COL4A2: variants seen among roughly 807,000 people sequenced by gnomAD.
COL4A2 encodes collagen alpha-2(IV) chain.
Under a neutral mutation model 200.2 loss-of-function variants are expected in COL4A2, and 99 were observed. That is an observed-to-expected ratio of 0.49 (90% CI 0.42 to 0.58). COL4A2 has a LOEUF of 0.58. COL4A2 is among the 20% of genes least tolerant of loss of function. COL4A2 has a pLI of 0.00. For synonymous variants in COL4A2, 897 were observed against 900.6 expected, an observed-to-expected ratio of 1.00 and a Z score of 0.07; for missense variants, 1,950 against 2,314.1, an observed-to-expected ratio of 0.84 and a Z score of 3.23.
chr13:110,375,009 T>C (rs1467997551), intron 4 of COL4A2, among the ~76,000 whole-genome samples: 1 of 152,194 alleles, frequency 6.6e-6, no homozygotes, highest in African/African-American at 2.4e-5. Flanking sequence ...GCCCTTTCTT[T>C]ACTGGGGCCC....
At chr13:110,332,857 A>G (rs149039649) in intron 3 of COL4A2, among the ~76,000 whole-genome samples, 2 of 152,354 alleles carry the variant, frequency 1.3e-5, no homozygotes, top group African/African-American at 2.4e-5. Context: ...GCAATGGTGA[A>G]GCTCACTGCT....
At chr13:110,359,762 A>G (rs1476157091) in intron 4 of COL4A2, among the ~76,000 whole-genome samples, 1 of 152,106 alleles carries the variant, frequency 6.6e-6, no homozygotes, top group Non-Finnish European at 1.5e-5. Context: ...ACCTCTTTAT[A>G]AATACTGTCT....
intron 4 of COL4A2, among the ~76,000 whole-genome samples, chr13:110,363,101 A>G (rs901766213): frequency 5.3e-5 from 8 of 152,146 alleles, no homozygotes; most frequent in Non-Finnish European, 8.8e-5. Flanking sequence ...AGATGGTCAA[A>G]TGGCCCTGTC....
chr13:110,462,411 C>G, intron 24 of COL4A2, 27 bp downstream of exon 24: 3 of 1,607,754 alleles, frequency 1.9e-6, no homozygotes, highest in Non-Finnish European at 2.5e-6. Context: ...TGCGGCAGCT[C>G]CGTCCTCTCT....
rs553556379 is a variant in COL4A2, at chr13:110,437,163, G to C, written c.825+796G>C. Among the ~76,000 whole-genome samples, 4 of 152,338 alleles carry C rather than the reference G, an allele frequency of 2.6e-5. No homozygotes were observed. In the East Asian group the frequency reaches 7.7e-4, roughly 29 times the overall value. ...CCTGTGTCCTGGGTCCTGCATCCTG[G>C]GGCGGATTTGGCAGGCAGGACCACT... On this transcript the variant is annotated intron_variant, in intron 13 of 47. Coordinates refer to ENST00000360467, the MANE Select transcript of COL4A2 (RefSeq NM_001846.4).
intron 29 of COL4A2, among the ~76,000 whole-genome samples, chr13:110,475,557 A>G (rs1030611978): frequency 3.7e-4 from 56 of 152,230 alleles, no homozygotes; most frequent in Non-Finnish European, 3.2e-4. Flanking sequence ...GGTCTTTACC[A>G]TGATCAATGT....
In COL4A2 at chr13:110,378,483, C is replaced by T. The variant is rs187913491; in HGVS notation, c.180+20931C>T. Among the ~76,000 whole-genome samples, 297 of 152,298 alleles carry T rather than the reference C, an allele frequency of 2.0e-3. 2 individuals carry two copies. The highest frequency in any genetic ancestry group is 6.7e-3 in the African/African-American group (278 of 41,558). ...TGAGACAGAACCAGGCCCTTTCCTC[C>T]GGGTCCCTCGCCTCAGGAGATTCTC... is the stretch of plus-strand genomic sequence containing the variant. On this transcript the variant is annotated intron_variant, in intron 4 of 47. Transcript: ENST00000360467.
chr13:110,417,272 A>G lies in COL4A2; in HGVS notation c.181-7462A>G, dbSNP rs1439364610. Among the ~76,000 whole-genome samples the G allele has an allele frequency of 2.6e-5, 4 of 152,224 alleles. No homozygotes were observed. In the East Asian group the frequency reaches 7.7e-4, roughly 29 times the overall value. ...GCCCAGCCCCTGGCAGACATTTTTAAAAAGCATTCGGCTAAGTGTTTTTTT... is the reference window on the plus strand; with the variant it reads ...GCCCAGCCCCTGGCAGACATTTTTAGAAAGCATTCGGCTAAGTGTTTTTTT... On this transcript the variant is annotated intron_variant, in intron 4 of 47. Transcript: ENST00000360467.
At chr13:110,335,483 G>A (rs142910402) in intron 3 of COL4A2, among the ~76,000 whole-genome samples, 90 of 152,268 alleles carry the variant, frequency 5.9e-4, no homozygotes, top group East Asian at 2.3e-3. Flanking sequence ...CATGTAAGAC[G>A]TGCCTTTTGC....
At position 110,454,561 on chromosome 13, in the gene COL4A2, C is replaced by T. The variant is rs1881649669; in HGVS notation, c.1340-2782C>T. On this transcript the variant is annotated intron_variant, in intron 20 of 47. Transcript: ENST00000360467. ...AAAAGTCCACAACTGACCGGACACG[C>T]AGCTGACCTGGTCACCGGTCACCCT... Among the ~76,000 whole-genome samples, 3 of 152,260 alleles carry T rather than the reference C, an allele frequency of 2.0e-5. No homozygotes were observed. In the South Asian group the frequency reaches 6.2e-4, roughly 32 times the overall value.
At chr13:110,410,930 A>G (rs1393362274) in intron 4 of COL4A2, among the ~76,000 whole-genome samples, 2 of 152,166 alleles carry the variant, frequency 1.3e-5, no homozygotes, top group Non-Finnish European at 2.9e-5. Context: ...TCTGTGTTTA[A>G]CTGATCAGTG....
At position 110,307,796 on chromosome 13, in the gene COL4A2, C is replaced by T; in HGVS notation, c.-44-64C>T. 7.0e-7 allele frequency: 1 copy of T among 1,422,854 alleles called. No individual in the cohort carries two copies. The highest frequency in any genetic ancestry group is 9.5e-7 in the Non-Finnish European group (1 of 1,056,988). The allele number at this position is 1,422,854 out of a possible 1,614,324, so 88.1% of individuals were successfully genotyped here. ...TGTCCCCGCGTCTCGCGGACCGAGA[C>T]CGGCGGTGAGGATGGGCTGCCTCCC... On this transcript the variant is annotated intron_variant, in intron 1 of 47. Transcript: ENST00000360467. This position sits in a 1 kb window ranked among gnomAD's most constrained non-coding sequence, Gnocchi z 5.0.
rs1207619075 is a variant in COL4A2 at position 110,503,852 on chromosome 13, C to T, written c.4144C>T (p.Pro1382Ser). 2.5e-6 allele frequency: 4 copies of T among 1,613,832 alleles called. No individual in the cohort carries two copies. In the African/African-American group the frequency reaches 4.0e-5, roughly 16 times the overall value. ...CCTCTCTGTTTCCCTTCCAGGTGCC[C>T]CCGGGACTGTGGGAGCCCCCGGGAT... is the stretch of plus-strand genomic sequence containing the variant. ...PKGDPGFPGA[P>S]GTVGAPGIAG... Residue 1382 changes from proline to serine, a missense_variant, in exon 44 of 48, where the codon CCC (proline) becomes TCC (serine). By Grantham distance (74) the Pro-to-Ser change is moderately conservative. Transcript: ENST00000360467.
At chr13:110,350,317 G>A (rs1297169405) in intron 3 of COL4A2, among the ~76,000 whole-genome samples, 1 of 152,202 alleles carries the variant, frequency 6.6e-6, no homozygotes, top group South Asian at 2.1e-4. Context: ...AATTGGCACA[G>A]CAATGCTGGC....
chr13:110,450,272 C>T (rs1490506537), intron 19 of COL4A2, 33 bp from the exon 20 acceptor site: 1 of 1,598,862 alleles, frequency 6.3e-7, no homozygotes, highest in East Asian at 2.2e-5. Context: ...GTATGGGAGA[C>T]TCACGCTGCA....
At chr13:110,456,405 C>CTTT in intron 20 of COL4A2, 1 of 278,506 alleles carries the variant, frequency 3.6e-6, no homozygotes, top group Non-Finnish European at 7.0e-6. Context: ...CTGAGTTCAT[C>CTTT]TTTTTTTTAG....
intron 11 of COL4A2, 144 bp downstream of exon 11, chr13:110,432,504 CTTAATG>C: frequency 2.8e-6 from 3 of 1,076,174 alleles, no homozygotes; most frequent in Non-Finnish European, 3.8e-6. Context: ...GTTTTTAAGA[CTTAATG>C]TTAAACTCCA....
At chr13:110,506,344 C>T (rs905711888) in intron 45 of COL4A2, 71 bp from the exon 46 acceptor site, 13 of 1,470,622 alleles carry the variant, frequency 8.8e-6, no homozygotes, top group South Asian at 6.2e-5. Flanking sequence ...TGCACCAGGC[C>T]GTCCACTCTC....
At chr13:110,405,880 T>TG (rs1190750489) in intron 4 of COL4A2, among the ~76,000 whole-genome samples, 2 of 152,154 alleles carry the variant, frequency 1.3e-5, no homozygotes, top group Admixed American at 6.5e-5. Flanking sequence ...AGCACATTTT[T>TG]GGGGTCTCTG....
Sources: allele counts gnomAD v4.1 joint callset (sites outside exome capture counted in the v4.1 genomes callset), GRCh38; gene constraint gnomAD v4.1.1; non-coding constraint Gnocchi (gnomAD v3.1); transcripts MANE v1.5; gene names NCBI Gene and HGNC (gene_info 2026-07-23, HGNC 2026-07-21).